Variants in PCNX2 observed in about 807,000 individuals in gnomAD.
PCNX2 encodes the protein pecanex 2.
PCNX2 carries 168 observed loss-of-function variants against 223.8 expected under a neutral mutation model. That is an observed-to-expected ratio of 0.75 (90% confidence interval 0.66 to 0.85). PCNX2 has a LOEUF of 0.85. Ranked by LOEUF, PCNX2 falls within the 40% of genes least tolerant of loss-of-function variation. The pLI is 0.00. For synonymous variants in PCNX2, 1,006 were observed against 1,052.6 expected (o/e 0.96, Z 0.86); for missense variants, 2,507 against 2,675.5 (o/e 0.94, Z 1.39).
At chr1:233,190,540 T>C (rs1680363552) in intron 15 of PCNX2, among the ~76,000 whole-genome samples, 1 of 152,210 alleles carries the variant, frequency 6.6e-6, no homozygotes, top group Non-Finnish European at 1.5e-5. Flanking sequence ...TTAAGGTTTG[T>C]TTGTTTGTTT....
chr1:233,053,292 A>G (rs1013237687), intron 25 of PCNX2, among the ~76,000 whole-genome samples: 1 of 151,490 alleles, frequency 6.6e-6, no homozygotes, highest in Non-Finnish European at 1.5e-5. Flanking sequence ...ATGCCGCCTG[A>G]CTCATGCACT....
At chr1:233,123,582 CAAAA>C (rs5781727) in intron 21 of PCNX2, among the ~76,000 whole-genome samples, 4 of 137,342 alleles carry the variant, frequency 2.9e-5, no homozygotes, top group Non-Finnish European at 6.3e-5. Flanking sequence ...GACTCTGTCT[CAAAA>C]AAAAAAAAAA....
intron 17 of PCNX2, among the ~76,000 whole-genome samples, chr1:233,174,138 T>C (rs1679329526): frequency 6.9e-6 from 1 of 144,150 alleles, no homozygotes; most frequent in Non-Finnish European, 1.5e-5. Context: ...ATATATTATA[T>C]GTAATATATA....
upstream of PCNX2, among the ~76,000 whole-genome samples, chr1:233,295,946 C>T (rs575765210): frequency 3.0e-3 from 437 of 145,656 alleles, 4 homozygotes; most frequent in African/African-American, 0.011. This position sits in a 1 kb window ranked among gnomAD's most constrained non-coding sequence, Gnocchi z 4.1. Context: ...TCCTTCCTTC[C>T]TTCCTTTCTC....
rs986807271 is a variant in PCNX2 at position 233,237,086 on chromosome 1, G to T, written c.2223-106C>A. 7.1e-6 allele frequency: 10 copies of T among 1,406,942 alleles called. No individual in the cohort carries two copies. The African/African-American group carries it at 1.0e-4, about 14-fold the overall frequency. 87.2% of individuals were successfully genotyped at this position (1,406,942 alleles called of 1,614,324 possible). A position where few individuals can be genotyped will look rare whatever the true frequency, so the allele number is the denominator to read the frequency against. On this transcript the variant is annotated intron_variant, in intron 8 of 33. Coordinates refer to ENST00000258229, the MANE Select transcript of PCNX2 (RefSeq NM_014801.4). ...ATAGGAATGCCCAAAGCAGGTAGTG[G>T]ATGAGACTTTACAACCTTACATAAA... is the stretch of plus-strand genomic sequence containing the variant.
intron 1 of PCNX2, among the ~76,000 whole-genome samples, chr1:233,287,126 C>T (rs1356681734): frequency 6.6e-6 from 1 of 152,198 alleles, no homozygotes; most frequent in African/African-American, 2.4e-5. Flanking sequence ...TTTATGATTA[C>T]ACTCAGGACC....
At chr1:233,227,988 A>T (rs1315738957) in intron 9 of PCNX2, among the ~76,000 whole-genome samples, 1 of 152,148 alleles carries the variant, frequency 6.6e-6, no homozygotes. Flanking sequence ...TTTGAAAAAA[A>T]AAAATTAGTC....
At chr1:233,185,750 G>A (rs1351048918) in intron 15 of PCNX2, among the ~76,000 whole-genome samples, 1 of 152,144 alleles carries the variant, frequency 6.6e-6, no homozygotes, top group African/African-American at 2.4e-5. Flanking sequence ...GTTTTAAATG[G>A]TCTGTTGCCC....
chr1:233,131,937 T>A lies in PCNX2; in HGVS notation c.3837+3076A>T, dbSNP rs1000104344. 2.4e-4 allele frequency among the ~76,000 whole-genome samples: 30 copies of A among 122,482 alleles called. No homozygotes were observed. The Middle Eastern group carries it at 0.016, about 64-fold the overall frequency. The allele number at this position is 122,482 out of a possible 152,430, so 80.4% of individuals were successfully genotyped here. A position where few individuals can be genotyped will look rare whatever the true frequency, so the allele number is the denominator to read the frequency against. On this transcript the variant is annotated intron_variant, in intron 21 of 33. Coordinates refer to ENST00000258229, the MANE Select transcript of PCNX2 (RefSeq NM_014801.4). ...AACTAAGCTTTTGTGGATTTCGTTT[T>A]AGATCTTTTTTTTTTTTGAGATGGA...
chr1:233,298,763 C>T (rs1398289062), upstream of PCNX2, among the ~76,000 whole-genome samples: 2 of 152,092 alleles, frequency 1.3e-5, no homozygotes, highest in African/African-American at 4.8e-5. Context: ...GTGGTGTGCA[C>T]CTGTAGTCCC....
chr1:233,171,112 C>T (rs1679126938), intron 17 of PCNX2, among the ~76,000 whole-genome samples: 1 of 151,800 alleles, frequency 6.6e-6, no homozygotes. Context: ...TTCATTTCTC[C>T]TCTCGTCTAA....
chr1:233,171,656 G>A (rs1002726350), intron 17 of PCNX2, among the ~76,000 whole-genome samples: 8 of 151,922 alleles, frequency 5.3e-5, no homozygotes, highest in South Asian at 4.2e-4. Context: ...TGTCTGGTGC[G>A]GATTCTTTTT....
chr1:233,263,628 G>C (rs1427006485), intron 1 of PCNX2, among the ~76,000 whole-genome samples: 1 of 151,868 alleles, frequency 6.6e-6, no homozygotes, highest in Non-Finnish European at 1.5e-5. Flanking sequence ...GCTAATTTTT[G>C]TATTTTTAAT....
chr1:233,214,567 C>G (rs1336944481), intron 12 of PCNX2, among the ~76,000 whole-genome samples: 1 of 152,206 alleles, frequency 6.6e-6, no homozygotes, highest in Non-Finnish European at 1.5e-5. Context: ...GGGCACACTG[C>G]TCTAGTTTTT....
At chr1:233,266,440 T>C (rs1660336351) in intron 1 of PCNX2, among the ~76,000 whole-genome samples, 1 of 152,190 alleles carries the variant, frequency 6.6e-6, no homozygotes, top group Non-Finnish European at 1.5e-5. Context: ...CATGCAATTA[T>C]GCTCTTCCGA....
intron 12 of PCNX2, among the ~76,000 whole-genome samples, chr1:233,215,342 G>A (rs536645565): frequency 1.3e-5 from 2 of 152,316 alleles, no homozygotes; most frequent in African/African-American, 2.4e-5. Context: ...TTAGAAATCT[G>A]TGTAAGCAAA....
rs559835760 is a variant in PCNX2 at position 233,274,225 on chromosome 1, T to A, written c.154-11062A>T. ...TAATATTACATAACAGTCACCTTCC[T>A]TCTTTAGCCCAGGGCTTCCCAGTCT... On this transcript the variant is annotated intron_variant, in intron 1 of 33. Transcript: ENST00000258229. Among the ~76,000 whole-genome samples, 3 of 152,316 alleles carry A rather than the reference T, an allele frequency of 2.0e-5. 1 individual carries two copies. The South Asian group carries it at 6.2e-4, about 32-fold the overall frequency.
intron 21 of PCNX2, among the ~76,000 whole-genome samples, chr1:233,102,857 CT>C (rs1674563547): frequency 6.6e-6 from 1 of 152,140 alleles, no homozygotes; most frequent in East Asian, 1.9e-4. Context: ...TGTGCAGAAG[CT>C]TTTTAGCTTG....
At position 233,095,565 on chromosome 1, in the gene PCNX2, A is replaced by G; in HGVS notation, c.3946+190T>C. On this transcript the variant is annotated intron_variant, in intron 22 of 33. Coordinates refer to ENST00000258229, the MANE Select transcript of PCNX2 (RefSeq NM_014801.4). ...CCTGAATATGCATTAAGAAGCAGGA[A>G]GAGTTCAAAATAAAGAAATATCTTT... The G allele has an allele frequency of 5.0e-6, 3 of 601,892 alleles. No homozygotes were observed. In the East Asian group the frequency reaches 8.4e-5, roughly 17 times the overall value. 37.3% of individuals were successfully genotyped at this position (601,892 alleles called of 1,614,324 possible).
Sources: allele counts gnomAD v4.1 joint callset (sites outside exome capture counted in the v4.1 genomes callset), GRCh38; gene constraint gnomAD v4.1.1; non-coding constraint Gnocchi (gnomAD v3.1); transcripts MANE v1.5; gene names NCBI Gene and HGNC (gene_info 2026-07-23, HGNC 2026-07-21).